LAMP3: variants seen among roughly 807,000 people sequenced by gnomAD.
The protein encoded by LAMP3 is lysosome associated membrane protein 3.
In LAMP3, 26 loss-of-function variants were observed where a neutral mutation model predicts 34.8. The observed-to-expected ratio is 0.75, with a 90% CI of 0.55 to 1.04. The LOEUF is 1.04. LAMP3 is among the 50% of genes least tolerant of loss of function. The pLI is 0.00. For missense variants in LAMP3, 495 were observed against 524.0 expected (o/e 0.94, Z 0.54); for synonymous variants, 180 against 201.9 (o/e 0.89, Z 0.92).
chr3:183,128,353 T>C (rs1719833596), intron 5 of LAMP3, among the ~76,000 whole-genome samples: 1 of 152,160 alleles, frequency 6.6e-6, no homozygotes, highest in Admixed American at 6.5e-5. Flanking sequence ...CAATAATGAA[T>C]ATACTATTAT....
At chr3:183,136,013 G>C (rs1720076853) in intron 4 of LAMP3, 126 bp from the exon 5 acceptor site, 1 of 746,816 alleles carries the variant, frequency 1.3e-6, no homozygotes, top group Non-Finnish European at 2.3e-6. Context: ...TGGGGGTTCT[G>C]CCACCTTCTC....
chr3:183,142,907 T>C (rs1429703978), intron 3 of LAMP3, among the ~76,000 whole-genome samples: 2 of 152,154 alleles, frequency 1.3e-5, no homozygotes, highest in African/African-American at 4.8e-5. Flanking sequence ...AACCCGTCCC[T>C]GATGGGCAGG....
intron 2 of LAMP3, 66 bp from the exon 3 acceptor site, chr3:183,152,569 G>A: frequency 6.9e-7 from 1 of 1,443,306 alleles, no homozygotes; most frequent in Non-Finnish European, 9.4e-7. Flanking sequence ...GGAACCAGAT[G>A]CACAGGCTAG....
chr3:183,123,964 G>T lies in LAMP3; in HGVS notation c.*117C>A. 1 of 1,040,648 alleles carries T rather than the reference G, an allele frequency of 9.6e-7. No individual in the cohort carries two copies. Among genetic ancestry groups the T allele is most frequent in the Non-Finnish European group, 1.4e-6 (1 of 693,270 alleles). 64.5% of individuals were successfully genotyped at this position (1,040,648 alleles called of 1,614,324 possible). On this transcript the variant is annotated 3_prime_UTR_variant, in exon 6 of 6. Transcript: ENST00000265598. ...CATGACTCACTTCATTTGAATAGAA[G>T]ATGGTGGTTTACATTGTTTGAAGGA...
chr3:183,156,379 C>CAACAACAAT (rs1466909498), intron 1 of LAMP3, among the ~76,000 whole-genome samples: 3 of 151,828 alleles, frequency 2.0e-5, no homozygotes, highest in African/African-American at 7.3e-5. Context: ...ACAACAACAA[C>CAACAACAAT]AACAAACAGA....
intron 3 of LAMP3, among the ~76,000 whole-genome samples, chr3:183,150,046 G>T (rs1428324678): frequency 6.6e-6 from 1 of 152,150 alleles, no homozygotes; most frequent in African/African-American, 2.4e-5. Context: ...ACATGTGGCT[G>T]GTGAAACTCA....
At chr3:183,137,564 T>A (rs535651) in intron 4 of LAMP3, among the ~76,000 whole-genome samples, 1 of 151,522 alleles carries the variant, frequency 6.6e-6, no homozygotes, top group African/African-American at 2.4e-5. Flanking sequence ...CCCTATACAA[T>A]GTACTGAATT....
intron 5 of LAMP3, among the ~76,000 whole-genome samples, chr3:183,126,663 A>G (rs1310809797): frequency 6.6e-6 from 1 of 152,192 alleles, no homozygotes; most frequent in East Asian, 1.9e-4. Context: ...AATAATAGAG[A>G]AAAAGCACAA....
chr3:183,142,204 C>T (rs1178553724), intron 3 of LAMP3, among the ~76,000 whole-genome samples: 1 of 152,048 alleles, frequency 6.6e-6, no homozygotes, highest in African/African-American at 2.4e-5. Flanking sequence ...TTTCAGGGTC[C>T]ACAGTCCGGG....
rs113687724 is a variant in LAMP3, at chr3:183,158,555, T to C, written c.49+4052A>G. ...ACAAGCACCCCAGGGCCTTGATCCA[T>C]TGCTTGGACTCCACTAGATGGAAAT... On this transcript the variant is annotated intron_variant, in intron 1 of 5. Transcript: ENST00000265598. 9.9e-3 allele frequency among the ~76,000 whole-genome samples: 1,365 copies of C among 137,220 alleles called. 22 individuals are homozygous for C. The highest frequency in any genetic ancestry group is 0.034 in the African/African-American group (1,241 of 37,018). The allele number at this position is 137,220 out of a possible 152,430, so 90.0% of individuals were successfully genotyped here.
In LAMP3 at chr3:183,139,182, G is replaced by A. The variant is rs538699820; in HGVS notation, c.946+1356C>T. ...AGGTGCGTGGATCACTTGAGGTCAG[G>A]TGTTTGAAACCAGCCTGACCAACGT... On this transcript the variant is annotated intron_variant, in intron 4 of 5. Coordinates refer to ENST00000265598, the MANE Select transcript of LAMP3 (RefSeq NM_014398.4). 3.3e-4 allele frequency among the ~76,000 whole-genome samples: 50 copies of A among 152,214 alleles called. 1 individual carries two copies. Among genetic ancestry groups the A allele is most frequent in the African/African-American group, 1.2e-3 (50 of 41,524 alleles).
chr3:183,141,796 T>C (rs916450293), intron 3 of LAMP3, among the ~76,000 whole-genome samples: 4 of 152,224 alleles, frequency 2.6e-5, no homozygotes, highest in Non-Finnish European at 5.9e-5. Flanking sequence ...TTAGGCACTG[T>C]CGCAGGCACT....
In LAMP3 at chr3:183,135,992, G is replaced by C. The variant is rs3736553; in HGVS notation, c.947-105C>G. On this transcript the variant is annotated intron_variant, in intron 4 of 5. Transcript: ENST00000265598. ...CAGCTAAATGGCCTTCCTTCCTTCC[G>C]AGGGGCTTTCTGGGGGTTCTGCCAC... 8.9e-4 allele frequency: 795 copies of C among 895,014 alleles called. 11 individuals are homozygous for C. The East Asian group carries it at 0.019, about 22-fold the overall frequency. 55.4% of individuals were successfully genotyped at this position (895,014 alleles called of 1,614,324 possible).
At chr3:183,142,311 G>T (rs560783963) in intron 3 of LAMP3, among the ~76,000 whole-genome samples, 2 of 151,984 alleles carry the variant, frequency 1.3e-5, no homozygotes, top group Non-Finnish European at 2.9e-5. Context: ...TTTGTAAATG[G>T]CTCGGGCTGC....
At chr3:183,161,231 C>T (rs1238458006) in intron 1 of LAMP3, among the ~76,000 whole-genome samples, 16 of 152,092 alleles carry the variant, frequency 1.1e-4, no homozygotes, top group Non-Finnish European at 1.8e-4. Context: ...AATCCAGTTC[C>T]GTGCCACCCC....
chr3:183,152,587 G>A, intron 2 of LAMP3, 84 bp from the exon 3 acceptor site: 1 of 1,288,744 alleles, frequency 7.8e-7, no homozygotes, highest in South Asian at 1.5e-5. Flanking sequence ...TAGTTTGTGA[G>A]CCTGAAACTT....
At chr3:183,158,921 CAG>C (rs1720898743) in intron 1 of LAMP3, among the ~76,000 whole-genome samples, 1 of 150,736 alleles carries the variant, frequency 6.6e-6, no homozygotes, top group South Asian at 2.1e-4. Flanking sequence ...CTCCTTGAGA[CAG>C]GGTCTCACTC....
At chr3:183,139,731 C>T (rs189420851) in intron 4 of LAMP3, among the ~76,000 whole-genome samples, 8 of 152,242 alleles carry the variant, frequency 5.3e-5, no homozygotes, top group Non-Finnish European at 8.8e-5. Context: ...AGTGAAACCG[C>T]GAATAAGGTC....
intron 3 of LAMP3, among the ~76,000 whole-genome samples, chr3:183,149,127 G>A (rs1720533857): frequency 6.6e-6 from 1 of 151,826 alleles, no homozygotes; most frequent in Non-Finnish European, 1.5e-5. Context: ...CTTATTTGTG[G>A]AAATTAAAAA....
Sources: gnomAD v4.1 joint callset for allele counts (sites outside exome capture counted in the v4.1 genomes callset) on GRCh38, gnomAD v4.1.1 for gene constraint, MANE v1.5 for transcripts, NCBI Gene and HGNC (gene_info 2026-07-23, HGNC 2026-07-21) for gene names.